Variants in CCDC63 observed in about 807,000 individuals in gnomAD.
CCDC63 encodes coiled-coil domain-containing protein 63.
CCDC63 carries 54 observed loss-of-function variants against 63.6 expected under a neutral mutation model. The observed-to-expected ratio is 0.85, with a 90% CI of 0.68 to 1.07. The LOEUF is 1.07. Among genes scored for constraint, CCDC63 ranks in the 50% least tolerant of loss-of-function variants. CCDC63 has a pLI of 0.00. For missense variants in CCDC63, 637 were observed against 689.6 expected (o/e 0.92, Z 0.86); for synonymous variants, 253 against 266.1 (o/e 0.95, Z 0.48).
chr12:110,861,726 ATT>A (rs68137795), intron 4 of CCDC63, among the ~76,000 whole-genome samples: 18,627 of 138,226 alleles, frequency 0.13, 2,930 homozygotes, highest in African/African-American at 0.39. Context: ...TGCCTGGCTA[ATT>A]TTTTTTTTTT....
At chr12:110,890,679 C>T (rs560931689) in intron 8 of CCDC63, among the ~76,000 whole-genome samples, 24 of 151,744 alleles carry the variant, frequency 1.6e-4, no homozygotes, top group Non-Finnish European at 3.4e-4. Context: ...AGTACTAGAT[C>T]ATACTAGACA....
At chr12:110,853,664 T>C in intron 3 of CCDC63, 90 bp downstream of exon 3, 4 of 1,471,934 alleles carry the variant, frequency 2.7e-6, no homozygotes, top group Non-Finnish European at 3.8e-6. Context: ...CTGTGACCCC[T>C]GGGGCAGGGA....
intron 9 of CCDC63, among the ~76,000 whole-genome samples, chr12:110,897,021 G>A (rs1348368928): frequency 6.6e-6 from 1 of 152,210 alleles, no homozygotes; most frequent in African/African-American, 2.4e-5. Flanking sequence ...GAACCACTGG[G>A]CTAGGGCAAT....
At chr12:110,886,617 C>A (rs2071283433) in intron 8 of CCDC63, among the ~76,000 whole-genome samples, 1 of 152,098 alleles carries the variant, frequency 6.6e-6, no homozygotes, top group Admixed American at 6.6e-5. Context: ...GGGACGGGCC[C>A]AGGGGGTGGC....
intron 6 of CCDC63, 67 bp downstream of exon 6, chr12:110,880,154 C>T (rs2071180666): frequency 6.5e-6 from 9 of 1,376,184 alleles, no homozygotes; most frequent in African/African-American, 1.4e-5. Flanking sequence ...TAGCTTCCTA[C>T]TCTGGGCCAC....
intron 4 of CCDC63, among the ~76,000 whole-genome samples, chr12:110,868,559 G>A (rs890361109): frequency 5.3e-5 from 8 of 151,352 alleles, no homozygotes; most frequent in African/African-American, 1.9e-4. Context: ...GCGAAACCCC[G>A]TCTCCACCAA....
chr12:110,906,647 A>G (rs1311566131), intron 11 of CCDC63, among the ~76,000 whole-genome samples: 1 of 151,930 alleles, frequency 6.6e-6, no homozygotes, highest in African/African-American at 2.4e-5. Flanking sequence ...ACACACACAC[A>G]TGCACACAAC....
At chr12:110,861,866 C>T (rs915634744) in intron 4 of CCDC63, among the ~76,000 whole-genome samples, 4 of 152,030 alleles carry the variant, frequency 2.6e-5, no homozygotes, top group South Asian at 2.1e-4. Flanking sequence ...CCACTGTGCC[C>T]GGCCTCAAAT....
rs969931897 is a variant in CCDC63, at chr12:110,868,223, G to C, written c.370-5619G>C. ...ACTTCCTAGATGGGATGGCGGCCGG[G>C]CGGAGACGCTCCTCACTTTCCAGAC... On this transcript the variant is annotated intron_variant, in intron 4 of 11. Coordinates refer to ENST00000308208, the MANE Select transcript of CCDC63 (RefSeq NM_152591.3). Among the ~76,000 whole-genome samples, 3 of 137,166 alleles carry C rather than the reference G, an allele frequency of 2.2e-5. 1 individual carries two copies. Among genetic ancestry groups the C allele is most frequent in the African/African-American group, 8.5e-5 (3 of 35,214 alleles). 90.0% of individuals were successfully genotyped at this position (137,166 alleles called of 152,430 possible). A position where few individuals can be genotyped will look rare whatever the true frequency, so the allele number is the denominator to read the frequency against.
intron 2 of CCDC63, 53 bp downstream of exon 2, chr12:110,853,016 G>A (rs2070725245): frequency 6.3e-7 from 1 of 1,580,834 alleles, no homozygotes; most frequent in Non-Finnish European, 8.7e-7. Context: ...GTCAGGCACT[G>A]TGCCATCCAC....
At chr12:110,872,942 G>A (rs116378359) in intron 4 of CCDC63, among the ~76,000 whole-genome samples, 10 of 152,266 alleles carry the variant, frequency 6.6e-5, no homozygotes, top group African/African-American at 2.4e-4. Flanking sequence ...TTGATCAGAT[G>A]TGGAAAAGGA....
At chr12:110,867,733 C>T (rs1450497116) in intron 4 of CCDC63, among the ~76,000 whole-genome samples, 2 of 123,214 alleles carry the variant, frequency 1.6e-5, no homozygotes, top group African/African-American at 6.7e-5. Context: ...CCGGACAGGG[C>T]GGCTGGCCAG....
At chr12:110,867,847 C>G (rs1268153796) in intron 4 of CCDC63, among the ~76,000 whole-genome samples, 3 of 151,684 alleles carry the variant, frequency 2.0e-5, no homozygotes, top group African/African-American at 4.8e-5. Flanking sequence ...CGCCCCTCAC[C>G]TCCCGGACGG....
intron 3 of CCDC63, among the ~76,000 whole-genome samples, chr12:110,856,397 TGTAGA>T (rs961671519): frequency 6.6e-6 from 1 of 151,996 alleles, no homozygotes; most frequent in Non-Finnish European, 1.5e-5. Context: ...ACCTAACTCT[TGTAGA>T]GTATTGTACT....
chr12:110,880,530 C>T (rs67724903), intron 6 of CCDC63, among the ~76,000 whole-genome samples: 33,349 of 151,730 alleles, frequency 0.22, 3,950 homozygotes, highest in African/African-American at 0.29. Context: ...AAGGGCGTAG[C>T]CTTCAGAGTC....
At chr12:110,903,904 G>A (rs1446411858) in intron 10 of CCDC63, among the ~76,000 whole-genome samples, 1 of 152,192 alleles carries the variant, frequency 6.6e-6, no homozygotes, top group African/African-American at 2.4e-5. Flanking sequence ...AATTTTTAGT[G>A]TAACCTGGTG....
intron 4 of CCDC63, among the ~76,000 whole-genome samples, chr12:110,867,959 C>T (rs2070997479): frequency 6.7e-6 from 1 of 149,314 alleles, no homozygotes. Flanking sequence ...GGCGGAGGGG[C>T]TCCTCACTTC....
At position 110,898,921 on chromosome 12, in the gene CCDC63, G is replaced by T; in HGVS notation, c.1150-12G>T. 2 of 1,575,012 alleles carry T rather than the reference G, an allele frequency of 1.3e-6. No homozygotes were observed. Among genetic ancestry groups the T allele is most frequent in the Non-Finnish European group, 1.7e-6 (2 of 1,157,318 alleles). ...TCCTCCTGAGCAGGTGGGAATTGGGGTCTGCCACCAGGATAAACTGAGGAA... is the reference window on the plus strand; with the variant it reads ...TCCTCCTGAGCAGGTGGGAATTGGGTTCTGCCACCAGGATAAACTGAGGAA... On this transcript the variant is annotated splice_polypyrimidine_tract_variant and intron_variant, in intron 9 of 11. Transcript: ENST00000308208.
intron 4 of CCDC63, among the ~76,000 whole-genome samples, chr12:110,869,093 A>G (rs1482031692): frequency 6.6e-6 from 1 of 152,176 alleles, no homozygotes; most frequent in Admixed American, 6.5e-5. Flanking sequence ...AAACTCAGGG[A>G]TGCTAACACG....
Sources: gnomAD v4.1 joint callset for allele counts (sites outside exome capture counted in the v4.1 genomes callset) on GRCh38, gnomAD v4.1.1 for gene constraint, MANE v1.5 for transcripts, NCBI Gene and HGNC (gene_info 2026-07-23, HGNC 2026-07-21) for gene names.